Variants in VAV2 observed in about 807,000 individuals in gnomAD.
The protein encoded by VAV2 is guanine nucleotide exchange factor VAV2.
Under a neutral mutation model 132.5 loss-of-function variants are expected in VAV2, and 67 were observed. That is an observed-to-expected ratio of 0.51 (90% CI 0.42 to 0.62). VAV2 has a LOEUF of 0.62. Among genes scored for constraint, VAV2 ranks in the 20% least tolerant of loss-of-function variants. The probability of loss-of-function intolerance (pLI) is 0.00; values close to 1 mark genes in which losing one functional copy is unlikely to be tolerated. For missense variants in VAV2, 938 were observed against 1,153.6 expected, an observed-to-expected ratio of 0.81 and a Z score of 2.71; for synonymous variants, 492 against 443.5, an observed-to-expected ratio of 1.11 and a Z score of -1.37.
At chr9:133,832,731 G>A (rs910826789) in intron 4 of VAV2, among the ~76,000 whole-genome samples, 3 of 152,000 alleles carry the variant, frequency 2.0e-5, no homozygotes, top group African/African-American at 2.4e-5. Flanking sequence ...GCTAATTTTT[G>A]TATTTTTAGT....
chr9:133,961,409 A>G lies in VAV2; in HGVS notation c.205-22190T>C, dbSNP rs2132223640. On this transcript the variant is annotated intron_variant, in intron 1 of 29. Transcript: ENST00000371850. The surrounding 1 kb of genome is among the most constrained non-coding windows in gnomAD (Gnocchi z 4.1). ...GAAACTGGTCAGGCTTCTGATGGGA[A>G]CGGAGGTTGGGAACACCAGCATCTG... 6.6e-6 allele frequency among the ~76,000 whole-genome samples: 1 copy of G among 152,282 alleles called. No individual in the cohort carries two copies.
intron 2 of VAV2, among the ~76,000 whole-genome samples, chr9:133,913,796 G>A (rs907235716): frequency 2.0e-5 from 3 of 152,218 alleles, no homozygotes; most frequent in Non-Finnish European, 2.9e-5. Context: ...CTGTACGCTC[G>A]TGGGAGCTGA....
intron 1 of VAV2, among the ~76,000 whole-genome samples, chr9:133,973,075 G>A (rs1338858997): frequency 2.0e-5 from 3 of 151,972 alleles, no homozygotes; most frequent in Non-Finnish European, 4.4e-5. Context: ...GGAATCCCCA[G>A]GGAGCCCTGC....
At position 133,799,236 on chromosome 9, in the gene VAV2, G is replaced by A. The variant is rs1340452927; in HGVS notation, c.837-1427C>T. 5.3e-5 allele frequency among the ~76,000 whole-genome samples: 8 copies of A among 152,178 alleles called. No homozygotes were observed. In the East Asian group the frequency reaches 1.2e-3, roughly 22 times the overall value. ...CCCTTTGGAGCTGGCTCAGGCACAG[G>A]GACGGGCATCTTGACACACTTCCTA... is the stretch of plus-strand genomic sequence containing the variant. On this transcript the variant is annotated intron_variant, in intron 9 of 29. Transcript: ENST00000371850.
rs749087475 is a variant in VAV2 at position 133,769,441 on chromosome 9, C to T, written c.2410G>A (p.Gly804Ser). 1.9e-6 allele frequency: 3 copies of T among 1,613,032 alleles called. No individual in the cohort carries two copies. Among genetic ancestry groups the T allele is most frequent in the South Asian group, 2.2e-5 (2 of 90,800 alleles). The change falls in exon 28 of 30, where the codon GGC (glycine) becomes AGC (serine). Residue 804 changes from glycine to serine, a missense_variant. Transcript: ENST00000371850. The surrounding 1 kb of genome is among the most constrained non-coding windows in gnomAD (Gnocchi z 8.1). ...SPQGLSFASQGPSAPFWSVFT... is the reference protein window; with the variant it reads ...SPQGLSFASQSPSAPFWSVFT... ...CCTGACCAGAAGGGAGCGGAGGGGC[C>T]CTGAGAAGCAAAGCTGAGGCCCTGA... is the stretch of plus-strand genomic sequence containing the variant.
At chr9:133,809,349 G>C (rs546436178) in intron 6 of VAV2, among the ~76,000 whole-genome samples, 198 of 152,310 alleles carry the variant, frequency 1.3e-3, no homozygotes, top group Non-Finnish European at 2.5e-3. Flanking sequence ...CTGACGCACG[G>C]GGAGGGGATG....
At chr9:133,937,257 T>C (rs1210687929) in intron 2 of VAV2, among the ~76,000 whole-genome samples, 1 of 152,064 alleles carries the variant, frequency 6.6e-6, no homozygotes, top group African/African-American at 2.4e-5. Context: ...TGGATGTCTG[T>C]GTGAATGTGT....
chr9:133,963,721 G>A (rs760609211), intron 1 of VAV2, among the ~76,000 whole-genome samples: 2 of 152,090 alleles, frequency 1.3e-5, no homozygotes, highest in African/African-American at 2.4e-5. Flanking sequence ...TTTATGTATC[G>A]CCAGGGGAAA....
chr9:133,925,248 G>A (rs1016535413), intron 2 of VAV2, among the ~76,000 whole-genome samples: 11 of 152,092 alleles, frequency 7.2e-5, no homozygotes, highest in South Asian at 2.1e-4. Context: ...ACAGGGTCTC[G>A]CTCTGTTGCC....
At chr9:133,910,122 C>G (rs966631958) in intron 2 of VAV2, among the ~76,000 whole-genome samples, 1 of 152,186 alleles carries the variant, frequency 6.6e-6, no homozygotes, top group Non-Finnish European at 1.5e-5. Flanking sequence ...CCCCAGCCCT[C>G]TCTATTGCCT....
chr9:133,843,373 T>C (rs568876729), intron 3 of VAV2, among the ~76,000 whole-genome samples: 5 of 152,270 alleles, frequency 3.3e-5, no homozygotes, highest in Admixed American at 3.3e-4. Flanking sequence ...GTTTGGGTTT[T>C]TTTGGTATTT....
At chr9:133,989,759 C>T (rs918358535) in intron 1 of VAV2, among the ~76,000 whole-genome samples, 7 of 152,222 alleles carry the variant, frequency 4.6e-5, no homozygotes, top group Non-Finnish European at 1.0e-4. Flanking sequence ...TTTCTCCCAA[C>T]CCCTGTGTGC....
At position 133,812,168 on chromosome 9, in the gene VAV2, A is replaced by G. The variant is rs758364537; in HGVS notation, c.498T>C (p.Asp166=). 2 of 1,613,836 alleles carry G rather than the reference A, an allele frequency of 1.2e-6. No homozygotes were observed. The highest frequency in any genetic ancestry group is 1.3e-5 in the African/African-American group (1 of 74,912). Residue 166 remains aspartate, a synonymous_variant, in exon 5 of 30, where the codon GAT becomes GAC. Coordinates refer to ENST00000371850, the MANE Select transcript of VAV2 (RefSeq NM_001134398.2). ...TGTCCTCGTAGATGTCGTCCCCTCC[A>G]TCCTCACACGGGACGCAGTCGTAGA... ...EDIYDCVPCE[D]GGDDIYEDII...
In VAV2 at chr9:133,857,843, GA is replaced by G. The variant is rs1564410877; in HGVS notation, c.380+3530del. ...AGGGCTGCAGAGGGAAAGGACCCAG[GA>G]AAAGTCCCAGAGTGGGGCTCAGAGG... On this transcript the variant is annotated intron_variant, in intron 3 of 29. Transcript: ENST00000371850. The surrounding 1 kb of genome is among the most constrained non-coding windows in gnomAD (Gnocchi z 4.0). Among the ~76,000 whole-genome samples, 2 of 152,220 alleles carry G rather than the reference GA, an allele frequency of 1.3e-5. No individual in the cohort carries two copies. The highest frequency in any genetic ancestry group is 2.9e-5 in the Non-Finnish European group (2 of 68,042).
rs897961733 is a variant in VAV2 at position 133,811,345 on chromosome 9, G to A, written c.552+769C>T. Among the ~76,000 whole-genome samples the A allele has an allele frequency of 6.6e-5, 10 of 152,238 alleles. No homozygotes were observed. The South Asian group carries it at 1.0e-3, about 16-fold the overall frequency. The stretch of plus-strand genomic sequence containing the variant: ...CTTTCTGCTTCTCCACCACCAGCTG[G>A]TTACTCCCACACTAAAGGAAAACAC... On this transcript the variant is annotated intron_variant, in intron 5 of 29. Transcript: ENST00000371850.
intron 13 of VAV2, among the ~76,000 whole-genome samples, chr9:133,790,602 G>A (rs186111754): frequency 1.8e-4 from 28 of 152,338 alleles, no homozygotes; most frequent in South Asian, 6.2e-4. Flanking sequence ...AGGAGCTCAC[G>A]GCAGCACGGA....
At chr9:133,913,903 T>C (rs1419704206) in intron 2 of VAV2, among the ~76,000 whole-genome samples, 3 of 152,218 alleles carry the variant, frequency 2.0e-5, no homozygotes, top group African/African-American at 7.2e-5. Flanking sequence ...GGCCCAGCAA[T>C]GCCAGCCTGG....
Position 133,919,192 on chromosome 9 carries a change from CT to C in VAV2, c.321+19910del, listed in dbSNP as rs1447446915. 2.6e-5 allele frequency among the ~76,000 whole-genome samples: 4 copies of C among 152,228 alleles called. No homozygotes were observed. The highest frequency in any genetic ancestry group is 4.4e-5 in the Non-Finnish European group (3 of 68,036). On this transcript the variant is annotated intron_variant, in intron 2 of 29. Coordinates refer to ENST00000371850, the MANE Select transcript of VAV2 (RefSeq NM_001134398.2). The surrounding 1 kb of genome is among the most constrained non-coding windows in gnomAD (Gnocchi z 5.8). ...AGCCTCTCCACGCACCCCCTCACTGCTGTGCCCTGGCACCTCTGACACTCCC... is the reference window on the plus strand; with the variant it reads ...AGCCTCTCCACGCACCCCCTCACTGCGTGCCCTGGCACCTCTGACACTCCC...
chr9:133,932,602 C>T (rs1212748786), intron 2 of VAV2, among the ~76,000 whole-genome samples: 2 of 152,188 alleles, frequency 1.3e-5, no homozygotes, highest in South Asian at 2.1e-4. Flanking sequence ...GAGTCCTTTA[C>T]AGCAACACCT....
Sources: allele counts gnomAD v4.1 joint callset (sites outside exome capture counted in the v4.1 genomes callset), GRCh38; gene constraint gnomAD v4.1.1; non-coding constraint Gnocchi (gnomAD v3.1); transcripts MANE v1.5; gene names NCBI Gene and HGNC (gene_info 2026-07-23, HGNC 2026-07-21).